The following ANO5 variants were observed in gnomAD, a reference collection of about 807,000 sequenced individuals.
The protein encoded by ANO5 is anoctamin 5, also known as anoctamin-5.
A neutral mutation model predicts 121.0 loss-of-function variants in ANO5; 109 were observed. The observed-to-expected ratio is 0.90, with a 90% CI of 0.77 to 1.06. The LOEUF (loss-of-function observed/expected upper bound fraction) is 1.06, where lower values mean the gene tolerates loss of function less well. ANO5 is among the 50% of genes least tolerant of loss of function. ANO5 has a pLI of 0.00. For synonymous variants in ANO5, 406 were observed against 359.9 expected, an observed-to-expected ratio of 1.13 and a Z score of -1.45; for missense variants, 1,064 against 1,078.5, an observed-to-expected ratio of 0.99 and a Z score of 0.19.
At chr11:22,232,723 G>A (rs1342674091) in intron 7 of ANO5, among the ~76,000 whole-genome samples, 1 of 151,866 alleles carries the variant, frequency 6.6e-6, no homozygotes, top group Non-Finnish European at 1.5e-5. Context: ...AGTCAGTCAG[G>A]TTGCACCAAT....
rs779835530 is a variant in ANO5 at position 22,227,289 on chromosome 11, T to C, written c.364-13T>C. ...AGTAAGCTTTCTGCTGTTTTGCCTT[T>C]TTTTTAATGCAGGACTCGGAAGATG... On this transcript the variant is annotated splice_polypyrimidine_tract_variant and intron_variant, in intron 6 of 21. Transcript: ENST00000324559. 6.2e-7 allele frequency: 1 copy of C among 1,613,210 alleles called. No individual in the cohort carries two copies. Among genetic ancestry groups the C allele is most frequent in the Admixed American group, 1.7e-5 (1 of 59,884 alleles).
At chr11:22,201,742 A>G (rs552081279) in intron 1 of ANO5, among the ~76,000 whole-genome samples, 3 of 152,262 alleles carry the variant, frequency 2.0e-5, no homozygotes, top group Non-Finnish European at 2.9e-5. Context: ...TTCATAACAA[A>G]TCCATTCTTG....
intron 17 of ANO5, among the ~76,000 whole-genome samples, chr11:22,270,049 C>T (rs1275909826): frequency 6.6e-6 from 1 of 152,162 alleles, no homozygotes; most frequent in African/African-American, 2.4e-5. Context: ...CAAACTGTCT[C>T]TGAGTAAATA....
In ANO5 at chr11:22,259,547, C is replaced by A; in HGVS notation, c.1436C>A (p.Ala479Asp). The change falls in exon 15 of 22, where the codon GCT (alanine) becomes GAT (aspartate). Residue 479 changes from alanine (A) to aspartate (D), a missense_variant. Ala to Asp is a moderately radical substitution (Grantham distance 126). Coordinates refer to ENST00000324559, the MANE Select transcript of ANO5 (RefSeq NM_213599.3). The part of the protein sequence containing the change: ...WMSLVVTSMV[A>D]VIVYRLSVFA... ...TCTCTTGTCGTCACCAGTATGGTAG[C>A]TGTAATTGTGTACCGCCTGTCAGTC... 6.2e-7 allele frequency: 1 copy of A among 1,614,132 alleles called. No individual in the cohort carries two copies. The highest frequency in any genetic ancestry group is 8.5e-7 in the Non-Finnish European group (1 of 1,180,018).
intron 21 of ANO5, among the ~76,000 whole-genome samples, chr11:22,277,152 TA>T: frequency 6.6e-6 from 1 of 151,404 alleles, no homozygotes; most frequent in Non-Finnish European, 1.5e-5. Context: ...AGCTATCAAT[TA>T]CTGACATTCT....
At chr11:22,194,720 C>T (rs1564904740) in intron 1 of ANO5, among the ~76,000 whole-genome samples, 1 of 152,110 alleles carries the variant, frequency 6.6e-6, no homozygotes, top group African/African-American at 2.4e-5. Context: ...GCTTCTTTCT[C>T]GTAGATTAAC....
intron 5 of ANO5, among the ~76,000 whole-genome samples, chr11:22,224,109 G>T (rs892394845): frequency 6.6e-6 from 1 of 151,734 alleles, no homozygotes; most frequent in Non-Finnish European, 1.5e-5. Flanking sequence ...TTCACTAGTT[G>T]CTCCTTCTCA....
chr11:22,211,109 C>T (rs1852262237), intron 2 of ANO5, among the ~76,000 whole-genome samples, 155 bp from the exon 3 acceptor site: 1 of 152,066 alleles, frequency 6.6e-6, no homozygotes, highest in Admixed American at 6.6e-5. Context: ...CACATGCATA[C>T]ACATATATGC....
At chr11:22,244,661 G>T (rs1853558780) in intron 9 of ANO5, among the ~76,000 whole-genome samples, 1 of 151,130 alleles carries the variant, frequency 6.6e-6, no homozygotes, top group African/African-American at 2.4e-5. Flanking sequence ...CCTCAGCTCG[G>T]TCTATTCTGC....
intron 12 of ANO5, among the ~76,000 whole-genome samples, chr11:22,251,307 T>C (rs1440710991): frequency 6.6e-6 from 1 of 152,186 alleles, no homozygotes; most frequent in Non-Finnish European, 1.5e-5. Context: ...GCTCAAAAAA[T>C]ACTTCATTCA....
chr11:22,200,371 G>A (rs1328631574), intron 1 of ANO5, among the ~76,000 whole-genome samples: 5 of 152,140 alleles, frequency 3.3e-5, no homozygotes, highest in African/African-American at 1.2e-4. Flanking sequence ...GAAAAATTTA[G>A]CTACTTTACC....
chr11:22,203,634 G>C (rs1192406730), intron 1 of ANO5, among the ~76,000 whole-genome samples, 170 bp from the exon 2 acceptor site: 5 of 151,958 alleles, frequency 3.3e-5, no homozygotes, highest in African/African-American at 4.8e-5. Flanking sequence ...ACTTCTTTTG[G>C]AGTCTGTTTT....
Position 22,282,924 on chromosome 11 carries a change from A to G in ANO5, c.*3159A>G, listed in dbSNP as rs1855131477. ...ATGTTATGAAGAAAAATAGCATTGC[A>G]AAAAGTACCATTGGCCAGCCTTACA... On this transcript the variant is annotated 3_prime_UTR_variant, in exon 22 of 22. Transcript: ENST00000324559. The G allele has an allele frequency of 6.6e-6, 1 of 152,194 alleles. No individual in the cohort carries two copies. Among genetic ancestry groups the G allele is most frequent in the African/African-American group, 2.4e-5 (1 of 41,470 alleles). The allele number at this position is 152,194 out of a possible 1,614,324, so 9.4% of individuals were successfully genotyped here.
chr11:22,201,448 C>T (rs188966279), intron 1 of ANO5, among the ~76,000 whole-genome samples: 1 of 152,212 alleles, frequency 6.6e-6, no homozygotes, highest in East Asian at 1.9e-4. Flanking sequence ...GAAGGCTTCC[C>T]TGGGGAGAGA....
At chr11:22,217,464 A>G (rs539295630) in intron 3 of ANO5, among the ~76,000 whole-genome samples, 11 of 151,990 alleles carry the variant, frequency 7.2e-5, no homozygotes, top group Admixed American at 3.9e-4. Flanking sequence ...TAAACTTTCC[A>G]TACTACACAT....
chr11:22,251,894 G>T (rs1223979569), intron 12 of ANO5, among the ~76,000 whole-genome samples: 5 of 151,830 alleles, frequency 3.3e-5, no homozygotes, highest in African/African-American at 1.2e-4. Context: ...GCCAGGCGTG[G>T]TGGCAGGTGC....
chr11:22,236,727 G>A (rs1853233930), intron 8 of ANO5, among the ~76,000 whole-genome samples: 1 of 152,074 alleles, frequency 6.6e-6, no homozygotes, highest in Admixed American at 6.6e-5. Context: ...AGGCATTATT[G>A]GAACACAACC....
chr11:22,279,757 A>G lies in ANO5; in HGVS notation c.2734A>G (p.Thr912Ala), dbSNP rs1190713613. ...EENKAQLAKSTL is the reference protein window; with the variant it reads ...EENKAQLAKSAL The stretch of plus-strand genomic sequence containing the variant: ...AAACAAAGCACAGCTGGCTAAATCA[A>G]CACTCTAATCAGTATAGTGAGGAAG... Residue 912 changes from threonine to alanine, a missense_variant, in exon 22 of 22, where the codon ACA becomes GCA. Transcript: ENST00000324559. The G allele has an allele frequency of 6.2e-7, 1 of 1,611,522 alleles. No homozygotes were observed. The highest frequency in any genetic ancestry group is 1.7e-5 in the Admixed American group (1 of 59,794).
At position 22,274,729 on chromosome 11, in the gene ANO5, G is replaced by A. The variant is rs747460085; in HGVS notation, c.2396G>A (p.Arg799Gln). The change falls in exon 20 of 22, where the codon CGA (arginine) becomes CAA (glutamine). Residue 799 changes from arginine to glutamine, a missense_variant. Coordinates refer to ENST00000324559, the MANE Select transcript of ANO5 (RefSeq NM_213599.3). Reference protein sequence around the residue: ...FPNHTAPSEKRDFITCRYRDY... With the variant: ...FPNHTAPSEKQDFITCRYRDY... ...AACCACACTGCACCTTCGGAAAAAC[G>A]AGACTTCATCACTTGCAGGTGATTT... 4.0e-5 allele frequency: 64 copies of A among 1,613,206 alleles called. No individual in the cohort carries two copies. Among genetic ancestry groups the A allele is most frequent in the Middle Eastern group, 1.6e-4 (1 of 6,082 alleles).
Sources: gnomAD v4.1 joint callset for allele counts (sites outside exome capture counted in the v4.1 genomes callset) on GRCh38, gnomAD v4.1.1 for gene constraint, MANE v1.5 for transcripts, NCBI Gene and HGNC (gene_info 2026-07-23, HGNC 2026-07-21) for gene names.